GPC6: variants seen among roughly 807,000 people sequenced by gnomAD.
GPC6 encodes glypican-6.
GPC6 carries 14 observed loss-of-function variants against 55.2 expected under a neutral mutation model. The observed-to-expected ratio is 0.25, with a 90% CI of 0.17 to 0.40. The LOEUF (loss-of-function observed/expected upper bound fraction) is 0.40. Ranked by LOEUF, GPC6 falls within the 10% of genes least tolerant of loss-of-function variation. GPC6 has a pLI of 1.00. For missense variants in GPC6, 641 were observed against 708.5 expected, an observed-to-expected ratio of 0.90 and a Z score of 1.08; for synonymous variants, 278 against 259.6, an observed-to-expected ratio of 1.07 and a Z score of -0.68.
intron 2 of GPC6, among the ~76,000 whole-genome samples, chr13:93,576,763 T>G (rs548977143): frequency 6.6e-6 from 1 of 152,142 alleles, no homozygotes; most frequent in Admixed American, 6.5e-5. Context: ...CAAATTCTGA[T>G]GAATATAATT....
chr13:94,037,632 C>G (rs1402199762), intron 4 of GPC6, among the ~76,000 whole-genome samples: 1 of 151,912 alleles, frequency 6.6e-6, no homozygotes, highest in Non-Finnish European at 1.5e-5. Context: ...GATGGGAAAA[C>G]TGAAACCAGA....
chr13:93,464,261 T>G (rs1878818795), intron 1 of GPC6, among the ~76,000 whole-genome samples: 2 of 152,168 alleles, frequency 1.3e-5, no homozygotes, highest in African/African-American at 4.8e-5. Context: ...TTGCCTTAAA[T>G]AAGACAACAG....
chr13:93,621,701 AC>A (rs1878958443), intron 2 of GPC6, among the ~76,000 whole-genome samples: 1 of 152,178 alleles, frequency 6.6e-6, no homozygotes, highest in African/African-American at 2.4e-5. Context: ...GGAGATCTTG[AC>A]AAACTCTGAA....
intron 2 of GPC6, among the ~76,000 whole-genome samples, chr13:93,728,653 A>G (rs1031476931): frequency 3.3e-5 from 5 of 151,870 alleles, no homozygotes; most frequent in South Asian, 2.1e-4. Flanking sequence ...TGCAGCCTCT[A>G]CCTCCTGGGT....
intron 2 of GPC6, among the ~76,000 whole-genome samples, chr13:93,616,041 C>T (rs1245562099): frequency 1.3e-5 from 2 of 152,056 alleles, no homozygotes; most frequent in African/African-American, 2.4e-5. Flanking sequence ...TGTACTTGTA[C>T]GTATTTAAGA....
intron 2 of GPC6, among the ~76,000 whole-genome samples, chr13:93,694,617 G>A (rs1046497971): frequency 6.6e-6 from 1 of 152,096 alleles, no homozygotes; most frequent in East Asian, 1.9e-4. Context: ...TGATTAAACC[G>A]AGTTACACAT....
chr13:93,223,836 C>T (rs1875684590), upstream of GPC6, among the ~76,000 whole-genome samples: 2 of 151,362 alleles, frequency 1.3e-5, no homozygotes, highest in Admixed American at 1.3e-4. Flanking sequence ...AATCTATCTA[C>T]ATCTTTCCAT....
intron 1 of GPC6, among the ~76,000 whole-genome samples, chr13:93,252,804 T>C (rs1876830818): frequency 6.6e-6 from 1 of 152,246 alleles, no homozygotes; most frequent in Admixed American, 6.5e-5. Flanking sequence ...AAGGAATTTT[T>C]TAAACTTTGC....
At chr13:93,273,216 T>G (rs3928068) in intron 1 of GPC6, among the ~76,000 whole-genome samples, 1 of 116,554 alleles carries the variant, frequency 8.6e-6, no homozygotes, top group African/African-American at 3.1e-5. Flanking sequence ...AGTCTGAATC[T>G]TATCTAAATC....
At chr13:93,303,408 A>G (rs1038538266) in intron 1 of GPC6, among the ~76,000 whole-genome samples, 2 of 152,224 alleles carry the variant, frequency 1.3e-5, no homozygotes, top group African/African-American at 4.8e-5. Context: ...GTAGCTGACA[A>G]AATGAGTGCT....
At chr13:94,204,498 T>C (rs545832796) in intron 4 of GPC6, among the ~76,000 whole-genome samples, 1 of 152,174 alleles carries the variant, frequency 6.6e-6, no homozygotes, top group Admixed American at 6.5e-5. Flanking sequence ...AGTGGGAGTA[T>C]TTCACTGTAA....
At chr13:93,371,333 C>T (rs1463848312) in intron 1 of GPC6, among the ~76,000 whole-genome samples, 1 of 151,878 alleles carries the variant, frequency 6.6e-6, no homozygotes, top group Non-Finnish European at 1.5e-5. Context: ...TTTAATCAGC[C>T]AAATCTAGTT....
chr13:93,521,452 G>A (rs933913817), intron 1 of GPC6, among the ~76,000 whole-genome samples: 4 of 151,902 alleles, frequency 2.6e-5, no homozygotes, highest in Non-Finnish European at 4.4e-5. Flanking sequence ...TACTATTCTG[G>A]ACCTATTAAT....
At chr13:94,318,416 A>G (rs1307289117) in intron 6 of GPC6, among the ~76,000 whole-genome samples, 1 of 152,222 alleles carries the variant, frequency 6.6e-6, no homozygotes, top group Non-Finnish European at 1.5e-5. Flanking sequence ...TAAATTAGGC[A>G]CAGGGAGAAA....
At chr13:93,736,991 T>G (rs1315618682) in intron 2 of GPC6, among the ~76,000 whole-genome samples, 1 of 152,218 alleles carries the variant, frequency 6.6e-6, no homozygotes, top group Non-Finnish European at 1.5e-5. Context: ...CATGAGGAAA[T>G]GAACGAGATT....
At chr13:93,820,409 T>G (rs1034418701) in intron 2 of GPC6, among the ~76,000 whole-genome samples, 3 of 152,086 alleles carry the variant, frequency 2.0e-5, no homozygotes, top group African/African-American at 7.2e-5. Flanking sequence ...TAATACAAAG[T>G]GATCCTTGGA....
chr13:93,521,922 A>G (rs1881435751), intron 1 of GPC6, among the ~76,000 whole-genome samples: 1 of 151,894 alleles, frequency 6.6e-6, no homozygotes, highest in African/African-American at 2.4e-5. Context: ...TCCTTTTCTA[A>G]TTTGTTAATC....
intron 1 of GPC6, among the ~76,000 whole-genome samples, chr13:93,480,539 C>T (rs1879476697): frequency 6.6e-6 from 1 of 152,096 alleles, no homozygotes; most frequent in South Asian, 2.1e-4. Flanking sequence ...CTTGAATATA[C>T]AGTACTGTGG....
At chr13:94,253,146 G>GCA (rs1891409012) in intron 4 of GPC6, among the ~76,000 whole-genome samples, 1 of 152,036 alleles carries the variant, frequency 6.6e-6, no homozygotes, top group Non-Finnish European at 1.5e-5. Flanking sequence ...CATTATATCT[G>GCA]CACACAGTGT....
Sources: gnomAD v4.1 joint callset for allele counts (sites outside exome capture counted in the v4.1 genomes callset) on GRCh38, gnomAD v4.1.1 for gene constraint, MANE v1.5 for transcripts, NCBI Gene and HGNC (gene_info 2026-07-23, HGNC 2026-07-21) for gene names.